GRM1: variants seen among roughly 807,000 people sequenced by gnomAD.
GRM1 encodes glutamate metabotropic receptor 1.
Under a neutral mutation model 90.9 loss-of-function variants are expected in GRM1, and 33 were observed. That is an observed-to-expected ratio of 0.36 (90% CI 0.28 to 0.49). The LOEUF is 0.49. Ranked by LOEUF, GRM1 falls within the 20% of genes least tolerant of loss-of-function variation. GRM1 has a pLI of 0.99. For missense variants in GRM1, 1,190 were observed against 1,534.3 expected (o/e 0.78, Z 3.75); for synonymous variants, 700 against 613.2 (o/e 1.14, Z -2.09).
At chr6:146,214,151 G>A (rs773828644) in intron 2 of GRM1, among the ~76,000 whole-genome samples, 1 of 152,070 alleles carries the variant, frequency 6.6e-6, no homozygotes, top group Non-Finnish European at 1.5e-5. Context: ...AGACTCATAA[G>A]CTGAGCTCTT....
At chr6:146,303,683 G>A (rs190709118) in intron 2 of GRM1, among the ~76,000 whole-genome samples, 230 of 152,280 alleles carry the variant, frequency 1.5e-3, no homozygotes, top group African/African-American at 5.4e-3. Flanking sequence ...CCTCGTGCCA[G>A]TGGCCCTCCA....
chr6:146,191,811 C>T lies in GRM1; in HGVS notation c.950+32214C>T, dbSNP rs552858097. 2.0e-5 allele frequency among the ~76,000 whole-genome samples: 3 copies of T among 152,190 alleles called. No individual in the cohort carries two copies. The South Asian group carries it at 6.2e-4, about 32-fold the overall frequency. ...TGCTGACACTAAAAGCAATCTATCA[C>T]CTTTTGTTCTTTCCTGTCAGTCAAT... On this transcript the variant is annotated intron_variant, in intron 2 of 7. Coordinates refer to ENST00000282753, the MANE Select transcript of GRM1 (RefSeq NM_001278064.2).
intron 7 of GRM1, among the ~76,000 whole-genome samples, chr6:146,403,713 G>C (rs895046370): frequency 3.9e-5 from 6 of 152,094 alleles, no homozygotes; most frequent in Middle Eastern, 6.3e-3. Context: ...GAAAAGAAAT[G>C]TATTAGTGAG....
intron 1 of GRM1, among the ~76,000 whole-genome samples, chr6:146,152,820 G>T (rs1157509018): frequency 6.6e-6 from 1 of 152,282 alleles, no homozygotes; most frequent in East Asian, 1.9e-4. Flanking sequence ...AAGAAAATAT[G>T]CAGCTCTCTA....
intron 1 of GRM1, among the ~76,000 whole-genome samples, chr6:146,146,327 T>A (rs2128886115): frequency 6.6e-6 from 1 of 151,774 alleles, no homozygotes; most frequent in East Asian, 1.9e-4. Context: ...GACCTCGTGA[T>A]CCACCCACCT....
intron 2 of GRM1, among the ~76,000 whole-genome samples, chr6:146,224,940 C>G (rs1254185432): frequency 2.6e-5 from 4 of 152,134 alleles, no homozygotes; most frequent in Non-Finnish European, 4.4e-5. Flanking sequence ...GGGGCACTTT[C>G]ATGGATTCTG....
chr6:146,348,647 C>T (rs529327854), intron 3 of GRM1, among the ~76,000 whole-genome samples: 8 of 152,228 alleles, frequency 5.3e-5, no homozygotes, highest in Non-Finnish European at 7.3e-5. Flanking sequence ...TCTAGCCTCC[C>T]GGCTCTCTAT....
chr6:146,194,452 A>G (rs35548402), intron 2 of GRM1, among the ~76,000 whole-genome samples: 1,544 of 152,320 alleles, frequency 0.01, 16 homozygotes, highest in South Asian at 0.024. Flanking sequence ...TCATTGGCCA[A>G]GTCTCTAAAT....
intron 2 of GRM1, among the ~76,000 whole-genome samples, chr6:146,197,329 T>C (rs1562523676): frequency 6.6e-6 from 1 of 152,226 alleles, no homozygotes; most frequent in Non-Finnish European, 1.5e-5. Flanking sequence ...ACAAGTTTCT[T>C]TTACTGCATA....
intron 3 of GRM1, among the ~76,000 whole-genome samples, chr6:146,327,555 G>C (rs552397837): frequency 6.6e-5 from 10 of 152,236 alleles, no homozygotes; most frequent in African/African-American, 2.2e-4. Context: ...GTAAAAAATG[G>C]CTTACAAAGG....
intron 2 of GRM1, among the ~76,000 whole-genome samples, chr6:146,206,689 T>A (rs534129015): frequency 6.6e-6 from 1 of 152,118 alleles, no homozygotes; most frequent in Admixed American, 6.5e-5. Flanking sequence ...CATAAACACA[T>A]GTCATGGGGG....
rs1247582433 is a variant in GRM1 at position 146,193,990 on chromosome 6, C to T, written c.950+34393C>T. Among the ~76,000 whole-genome samples, 5 of 151,936 alleles carry T rather than the reference C, an allele frequency of 3.3e-5. 1 individual carries two copies. Among genetic ancestry groups the T allele is most frequent in the Non-Finnish European group, 7.4e-5 (5 of 67,998 alleles). On this transcript the variant is annotated intron_variant, in intron 2 of 7. Coordinates refer to ENST00000282753, the MANE Select transcript of GRM1 (RefSeq NM_001278064.2). ...ATTAGTAGCTGAACTTGTTTACCTT[C>T]TCTTCAACAGCATATGGAAGTTCAA...
chr6:146,313,367 C>T (rs1483252181), intron 3 of GRM1, among the ~76,000 whole-genome samples: 1 of 152,164 alleles, frequency 6.6e-6, no homozygotes, highest in African/African-American at 2.4e-5. Context: ...TGTGGTTCAG[C>T]TTGCCTTCCA....
At chr6:146,141,222 A>G (rs1259539937) in intron 1 of GRM1, among the ~76,000 whole-genome samples, 1 of 151,056 alleles carries the variant, frequency 6.6e-6, no homozygotes, top group African/African-American at 2.4e-5. Context: ...CTGGCTTGTA[A>G]TGTTTCCACT....
At chr6:146,170,345 A>AT (rs1367440830) in intron 2 of GRM1, among the ~76,000 whole-genome samples, 3 of 151,878 alleles carry the variant, frequency 2.0e-5, no homozygotes, top group African/African-American at 7.3e-5. Flanking sequence ...TGCTTTAAAT[A>AT]TTTTTTCTTC....
chr6:146,233,366 T>A (rs55654963), intron 2 of GRM1, among the ~76,000 whole-genome samples: 2,934 of 152,250 alleles, frequency 0.019, 39 homozygotes, highest in Admixed American at 0.028. Flanking sequence ...ATGTCAATCA[T>A]GATGGAAACA....
intron 1 of GRM1, among the ~76,000 whole-genome samples, chr6:146,101,432 A>T (rs536650829): frequency 6.6e-5 from 10 of 152,214 alleles, no homozygotes; most frequent in African/African-American, 2.2e-4. Context: ...TTATGTACCC[A>T]TTGTTAAAAG....
At position 146,108,728 on chromosome 6, in the gene GRM1, C is replaced by G. The variant is rs948062040; in HGVS notation, c.701-50620C>G. Reference sequence around the variant, plus strand: ...ACAGTTTGGAGGTCTCAGAAGAAGACAGGAAAATGTGGGAAAGTTTGGAAC... The same window carrying G: ...ACAGTTTGGAGGTCTCAGAAGAAGAGAGGAAAATGTGGGAAAGTTTGGAAC... On this transcript the variant is annotated intron_variant, in intron 1 of 7. Coordinates refer to ENST00000282753, the MANE Select transcript of GRM1 (RefSeq NM_001278064.2). Among the ~76,000 whole-genome samples, 3 of 152,092 alleles carry G rather than the reference C, an allele frequency of 2.0e-5. No homozygotes were observed. The South Asian group carries it at 6.2e-4, about 32-fold the overall frequency.
At chr6:146,240,100 A>C (rs1780799150) in intron 2 of GRM1, among the ~76,000 whole-genome samples, 1 of 152,118 alleles carries the variant, frequency 6.6e-6, no homozygotes, top group African/African-American at 2.4e-5. Context: ...GCTGGTGGGA[A>C]CCTGGCAAGG....
Sources: gnomAD v4.1 joint callset for allele counts (sites outside exome capture counted in the v4.1 genomes callset) on GRCh38, gnomAD v4.1.1 for gene constraint, MANE v1.5 for transcripts, NCBI Gene and HGNC (gene_info 2026-07-23, HGNC 2026-07-21) for gene names.